The following DSG2 variants were observed in gnomAD, a reference collection of about 807,000 sequenced individuals.
DSG2 encodes the protein desmoglein-2.
A neutral mutation model predicts 75.6 loss-of-function variants in DSG2; 45 were observed. The observed-to-expected ratio is 0.60, with a 90% CI of 0.47 to 0.76. The LOEUF is 0.76. Among genes scored for constraint, DSG2 ranks in the 30% least tolerant of loss-of-function variants. The probability of loss-of-function intolerance (pLI) is 0.00; values close to 1 mark genes in which losing one functional copy is unlikely to be tolerated. For synonymous variants in DSG2, 429 were observed against 483.9 expected (o/e 0.89, Z 1.49); for missense variants, 1,267 against 1,357.4 (o/e 0.93, Z 1.05).
chr18:31,538,223 G>A (rs2073243726), intron 11 of DSG2, among the ~76,000 whole-genome samples: 1 of 152,044 alleles, frequency 6.6e-6, no homozygotes, highest in African/African-American at 2.4e-5. Flanking sequence ...CTTTTCTGTA[G>A]GTTTGAATTT....
intron 1 of DSG2, among the ~76,000 whole-genome samples, chr18:31,504,332 C>A (rs1342822645): frequency 6.6e-6 from 1 of 152,194 alleles, no homozygotes; most frequent in Non-Finnish European, 1.5e-5. Flanking sequence ...GTTTGATACC[C>A]ACTGCCTCAA....
intron 1 of DSG2, among the ~76,000 whole-genome samples, chr18:31,516,029 G>A (rs2073092322): frequency 6.6e-6 from 1 of 152,188 alleles, no homozygotes. Context: ...ATGCATAAAT[G>A]GAAGGTGGAG....
chr18:31,529,184 A>G (rs1414208582), intron 8 of DSG2, among the ~76,000 whole-genome samples: 1 of 152,234 alleles, frequency 6.6e-6, no homozygotes, highest in Non-Finnish European at 1.5e-5. Flanking sequence ...TGATAAAATA[A>G]GTTTACAGAG....
chr18:31,525,493 TG>T (rs1407546960), intron 8 of DSG2, among the ~76,000 whole-genome samples: 1 of 151,248 alleles, frequency 6.6e-6, no homozygotes, highest in Non-Finnish European at 1.5e-5. Flanking sequence ...CACTCCAGCC[TG>T]GGCAACAGAG....
At chr18:31,499,006 C>CA (rs1030484380) in intron 1 of DSG2, among the ~76,000 whole-genome samples, 5 of 152,068 alleles carry the variant, frequency 3.3e-5, no homozygotes, top group African/African-American at 1.2e-4. Flanking sequence ...CCCCACGCCC[C>CA]ACCCCTCACT....
chr18:31,539,377 GT>G (rs1365515170), intron 12 of DSG2, among the ~76,000 whole-genome samples: 2 of 152,146 alleles, frequency 1.3e-5, no homozygotes, highest in Admixed American at 6.5e-5. Context: ...TGGGCACAAG[GT>G]TTTTTACAAA....
intron 1 of DSG2, among the ~76,000 whole-genome samples, chr18:31,513,791 C>T (rs891988317): frequency 3.3e-5 from 5 of 152,190 alleles, no homozygotes; most frequent in African/African-American, 1.2e-4. Flanking sequence ...GGAGAAACTG[C>T]AATCAGTACC....
At position 31,524,699 on chromosome 18, in the gene DSG2, G is replaced by A. The variant is rs376424003; in HGVS notation, c.829-4G>A. On this transcript the variant is annotated splice_polypyrimidine_tract_variant and splice_region_variant and intron_variant, in intron 7 of 14. Coordinates refer to ENST00000261590, the MANE Select transcript of DSG2 (RefSeq NM_001943.5). Reference sequence around the variant, plus strand: ...AATAAAAATCATGTGTTCATGTTTTGCAGCTTGAAGGGATGGTTGAAGAAA... The same window carrying A: ...AATAAAAATCATGTGTTCATGTTTTACAGCTTGAAGGGATGGTTGAAGAAA... 1.4e-5 allele frequency: 22 copies of A among 1,613,832 alleles called. No individual in the cohort carries two copies. In the African/African-American group the frequency reaches 2.7e-4, roughly 20 times the overall value.
intron 14 of DSG2, 146 bp from the exon 15 acceptor site, chr18:31,545,575 C>T: frequency 1.0e-6 from 1 of 991,612 alleles, no homozygotes; most frequent in Non-Finnish European, 1.5e-6. Flanking sequence ...TAGGATCTCT[C>T]TCAATTTGTG....
chr18:31,499,986 G>A (rs1366510873), intron 1 of DSG2, among the ~76,000 whole-genome samples: 3 of 148,674 alleles, frequency 2.0e-5, no homozygotes, highest in African/African-American at 7.5e-5. Context: ...AGAGAGTAGT[G>A]GGCAATGCAG....
chr18:31,529,947 G>GA (rs2144330936), intron 8 of DSG2, among the ~76,000 whole-genome samples: 1 of 152,174 alleles, frequency 6.6e-6, no homozygotes, highest in African/African-American at 2.4e-5. Flanking sequence ...TAGAATGACT[G>GA]TCTATATCTA....
chr18:31,524,833 A>G lies in DSG2; in HGVS notation c.959A>G (p.Tyr320Cys), dbSNP rs755198043. ...FTFASGNEGGYFHIETDAQTN... is the reference protein window; with the variant it reads ...FTFASGNEGGCFHIETDAQTN... ...TTTGCATCAGGAAATGAAGGAGGTT[A>G]TTTCCACATAGAAACAGATGCTCAA... is the stretch of plus-strand genomic sequence containing the variant. Residue 320 changes from tyrosine (Y) to cysteine (C), a missense_variant, in exon 8 of 15, where the codon TAT becomes TGT. Tyr to Cys is a radical substitution (Grantham distance 194). Coordinates refer to ENST00000261590, the MANE Select transcript of DSG2 (RefSeq NM_001943.5). The G allele has an allele frequency of 1.2e-6, 2 of 1,614,182 alleles. No homozygotes were observed. Among genetic ancestry groups the G allele is most frequent in the East Asian group, 2.2e-5 (1 of 44,870 alleles).
In DSG2 at chr18:31,498,193, G is replaced by C. The variant is rs2072992963; in HGVS notation, c.-59G>C. 8.2e-7 allele frequency: 1 copy of C among 1,222,834 alleles called. No individual in the cohort carries two copies. Among genetic ancestry groups the C allele is most frequent in the African/African-American group, 1.6e-5 (1 of 63,642 alleles). The allele number at this position is 1,222,834 out of a possible 1,614,324, so 75.7% of individuals were successfully genotyped here. A position where few individuals can be genotyped will look rare whatever the true frequency, so the allele number is the denominator to read the frequency against. ...GGGGCCAGGGAGGAGCCGAGTGCGC[G>C]CTCGGGGCAGGCGGCGGCGCGGAGC... is the stretch of plus-strand genomic sequence containing the variant. On this transcript the variant is annotated 5_prime_UTR_variant, in exon 1 of 15. Coordinates refer to ENST00000261590, the MANE Select transcript of DSG2 (RefSeq NM_001943.5).
chr18:31,505,449 C>A (rs1335243100), intron 1 of DSG2, among the ~76,000 whole-genome samples: 2 of 152,120 alleles, frequency 1.3e-5, no homozygotes, highest in African/African-American at 4.8e-5. Context: ...TAGTTTGATC[C>A]TCCTATTAAA....
intron 1 of DSG2, among the ~76,000 whole-genome samples, chr18:31,517,806 T>G (rs768073996): frequency 3.3e-5 from 5 of 151,592 alleles, no homozygotes; most frequent in Non-Finnish European, 2.9e-5. Context: ...TGGTGTGTGT[T>G]TTTTTGTGTG....
chr18:31,524,369 A>G (rs2073147888), intron 6 of DSG2, 79 bp from the exon 7 acceptor site: 1 of 1,581,460 alleles, frequency 6.3e-7, no homozygotes, highest in Non-Finnish European at 8.7e-7. Flanking sequence ...GTGGTACGTG[A>G]TAAACTGGAC....
intron 2 of DSG2, among the ~76,000 whole-genome samples, chr18:31,518,535 G>A (rs1178695010): frequency 6.6e-6 from 1 of 152,100 alleles, no homozygotes; most frequent in African/African-American, 2.4e-5. Context: ...AATGAAAATC[G>A]GGGCAAAATA....
Position 31,536,185 on chromosome 18 carries a change from T to A in DSG2, c.1424-17T>A, listed in dbSNP as rs767415254. 2 of 1,611,572 alleles carry A rather than the reference T, an allele frequency of 1.2e-6. No homozygotes were observed. Among genetic ancestry groups the A allele is most frequent in the Non-Finnish European group, 1.7e-6 (2 of 1,177,836 alleles). ...ATAGGAACAGAATGTACATACTTTT[T>A]CTCTCTTATTTTTAAGATTATCCTA... is the stretch of plus-strand genomic sequence containing the variant. On this transcript the variant is annotated splice_polypyrimidine_tract_variant and intron_variant, in intron 10 of 14. Transcript: ENST00000261590.
At position 31,546,877 on chromosome 18, in the gene DSG2, T is replaced by C; in HGVS notation, c.*134T>C. The stretch of plus-strand genomic sequence containing the variant: ...ACATTGATCTTAAAATTTTTCTCAG[T>C]CACTGATATGCAAAGGACCACACTG... On this transcript the variant is annotated 3_prime_UTR_variant, in exon 15 of 15. Transcript: ENST00000261590. 1.1e-6 allele frequency: 1 copy of C among 942,704 alleles called. No homozygotes were observed. The highest frequency in any genetic ancestry group is 1.4e-5 in the South Asian group (1 of 72,774). The allele number at this position is 942,704 out of a possible 1,614,324, so 58.4% of individuals were successfully genotyped here. A position where few individuals can be genotyped will look rare whatever the true frequency, so the allele number is the denominator to read the frequency against.
Sources: allele counts gnomAD v4.1 joint callset (sites outside exome capture counted in the v4.1 genomes callset), GRCh38; gene constraint gnomAD v4.1.1; transcripts MANE v1.5; gene names NCBI Gene and HGNC (gene_info 2026-07-23, HGNC 2026-07-21).